The following ARL15 variants were observed in gnomAD, a reference collection of about 807,000 sequenced individuals.
The protein encoded by ARL15 is ADP-ribosylation factor-like protein 15.
In ARL15, 19 loss-of-function variants were observed where a neutral mutation model predicts 25.2. The ratio of observed to expected loss-of-function variants is 0.75; its 90% CI spans 0.53 to 1.10. The LOEUF (loss-of-function observed/expected upper bound fraction) is 1.10, where lower values mean the gene tolerates loss of function less well. Ranked by LOEUF, ARL15 falls within the 50% of genes least tolerant of loss-of-function variation. The pLI is 0.00. For synonymous variants in ARL15, 94 were observed against 86.8 expected (o/e 1.08, Z -0.46); for missense variants, 220 against 246.0 (o/e 0.89, Z 0.71).
intron 1 of ARL15, among the ~76,000 whole-genome samples, chr5:54,304,773 TTTAAAG>T (rs1197815464): frequency 6.6e-6 from 1 of 152,226 alleles, no homozygotes; most frequent in African/African-American, 2.4e-5. Context: ...ACATTATCAC[TTTAAAG>T]TTAGTCACAA....
chr5:54,040,591 T>A (rs1000409398), intron 4 of ARL15, among the ~76,000 whole-genome samples: 6 of 152,184 alleles, frequency 3.9e-5, no homozygotes, highest in Admixed American at 1.3e-4. Flanking sequence ...AGCTACTAAC[T>A]GCATTCATTA....
At chr5:54,234,104 T>A (rs1756740031) in intron 1 of ARL15, among the ~76,000 whole-genome samples, 1 of 152,150 alleles carries the variant, frequency 6.6e-6, no homozygotes, top group African/African-American at 2.4e-5. Context: ...CAAGCAATTG[T>A]CCTGCCTCAG....
In ARL15 at chr5:54,154,588, T is replaced by C; in HGVS notation, c.245A>G (p.Glu82Gly). 1 of 1,527,350 alleles carries C rather than the reference T, an allele frequency of 6.5e-7. No individual in the cohort carries two copies. The highest frequency in any genetic ancestry group is 1.4e-5 in the African/African-American group (1 of 71,502). The allele number at this position is 1,527,350 out of a possible 1,614,324, so 94.6% of individuals were successfully genotyped here. Reference sequence around the variant, plus strand: ...GATTTGAAATGTTATACCTCCAAGTTCTTTTACATTCAAGATGGCATTCTG... The same window carrying C: ...GATTTGAAATGTTATACCTCCAAGTCCTTTTACATTCAAGATGGCATTCTG... ...PFQNAILNVK[E>G]LGGADNIRKY... Residue 82 changes from glutamate to glycine, a missense_variant, in exon 3 of 5, where the codon GAA becomes GGA. Physicochemically the swap from Glu to Gly is moderately conservative, Grantham distance 98 (BLOSUM62 -2). Coordinates refer to ENST00000504924, the MANE Select transcript of ARL15 (RefSeq NM_019087.3).
chr5:54,203,551 A>G (rs565345474), intron 1 of ARL15, among the ~76,000 whole-genome samples: 2 of 152,208 alleles, frequency 1.3e-5, no homozygotes, highest in Non-Finnish European at 2.9e-5. Context: ...AAAGTCTTTG[A>G]AAGTATGAGA....
At chr5:54,029,954 G>C (rs140638982) in intron 4 of ARL15, among the ~76,000 whole-genome samples, 3 of 151,948 alleles carry the variant, frequency 2.0e-5, no homozygotes, top group Admixed American at 6.6e-5. Context: ...CAGAGATAGC[G>C]CCACTGCACT....
chr5:53,911,432 T>G (rs1371446554), intron 4 of ARL15, among the ~76,000 whole-genome samples: 1 of 152,154 alleles, frequency 6.6e-6, no homozygotes, highest in Non-Finnish European at 1.5e-5. Flanking sequence ...TGTGATATTT[T>G]CAGGTGATAG....
intron 1 of ARL15, among the ~76,000 whole-genome samples, chr5:54,287,348 G>C (rs75248253): frequency 2.0e-5 from 3 of 151,910 alleles, no homozygotes; most frequent in Non-Finnish European, 4.4e-5. Context: ...TCAGGGGTAT[G>C]CACAATGGGC....
chr5:54,114,465 T>C (rs184099330), intron 3 of ARL15, among the ~76,000 whole-genome samples: 2 of 143,934 alleles, frequency 1.4e-5, no homozygotes, highest in Admixed American at 1.4e-4. Context: ...GCATGTCATG[T>C]AGTATTCCTC....
chr5:54,131,867 C>T (rs1049609151), intron 3 of ARL15, among the ~76,000 whole-genome samples: 1 of 150,844 alleles, frequency 6.6e-6, no homozygotes, highest in South Asian at 2.1e-4. Context: ...CGCGCCACTG[C>T]ACTCCAGCCT....
intron 4 of ARL15, among the ~76,000 whole-genome samples, chr5:54,046,036 T>C (rs1245471879): frequency 3.9e-5 from 6 of 152,162 alleles, no homozygotes; most frequent in Non-Finnish European, 8.8e-5. Flanking sequence ...AATGTTCAGA[T>C]AGTCCGTGTA....
At chr5:53,909,434 C>T (rs995496475) in intron 4 of ARL15, among the ~76,000 whole-genome samples, 8 of 152,160 alleles carry the variant, frequency 5.3e-5, no homozygotes, top group Admixed American at 6.5e-5. Context: ...AGGCTGGGCA[C>T]GGTGGCTCAC....
intron 1 of ARL15, among the ~76,000 whole-genome samples, chr5:54,230,392 TGAAAA>T (rs373965781): frequency 7.1e-5 from 9 of 127,480 alleles, no homozygotes; most frequent in South Asian, 2.6e-4. Flanking sequence ...AAAGAAAGAA[TGAAAA>T]GAAAAGAAAA....
At chr5:53,992,282 G>C (rs1342632254) in intron 4 of ARL15, among the ~76,000 whole-genome samples, 3 of 151,158 alleles carry the variant, frequency 2.0e-5, no homozygotes, top group Admixed American at 6.6e-5. Flanking sequence ...GGGTGCCCTG[G>C]TATACAGTTT....
Position 53,885,541 on chromosome 5 carries a change from A to C in ARL15, c.*1020T>G, listed in dbSNP as rs2111871935. ...ATACTGATAAACCTTTAACTACTAGAGGAAGGCATTAACAGATTCCAATAA... is the reference window on the plus strand; with the variant it reads ...ATACTGATAAACCTTTAACTACTAGCGGAAGGCATTAACAGATTCCAATAA... On this transcript the variant is annotated 3_prime_UTR_variant, in exon 5 of 5. Transcript: ENST00000504924. 1 of 152,764 alleles carries C rather than the reference A, an allele frequency of 6.5e-6. No homozygotes were observed. Among genetic ancestry groups the C allele is most frequent in the South Asian group, 2.1e-4 (1 of 4,830 alleles). The allele number at this position is 152,764 out of a possible 1,614,324, so 9.5% of individuals were successfully genotyped here.
intron 1 of ARL15, among the ~76,000 whole-genome samples, chr5:54,217,207 T>C (rs1216348843): frequency 6.6e-6 from 1 of 151,794 alleles, no homozygotes; most frequent in Non-Finnish European, 1.5e-5. Flanking sequence ...TTTCTTTTTT[T>C]TTTTTTTTAA....
At chr5:54,015,550 C>G (rs1278636981) in intron 4 of ARL15, among the ~76,000 whole-genome samples, 1 of 152,140 alleles carries the variant, frequency 6.6e-6, no homozygotes, top group Non-Finnish European at 1.5e-5. Context: ...ATTAGACTCA[C>G]AGAACTTTAG....
At chr5:53,887,744 G>A (rs1236572315) in intron 4 of ARL15, among the ~76,000 whole-genome samples, 6 of 152,032 alleles carry the variant, frequency 3.9e-5, no homozygotes, top group African/African-American at 4.8e-5. Flanking sequence ...AACAAATTTC[G>A]TTAAATCTCA....
At chr5:54,132,751 C>T (rs1753477463) in intron 3 of ARL15, among the ~76,000 whole-genome samples, 1 of 152,104 alleles carries the variant, frequency 6.6e-6, no homozygotes, top group Non-Finnish European at 1.5e-5. Flanking sequence ...CCTGATGTTG[C>T]CATGGCATTT....
intron 4 of ARL15, among the ~76,000 whole-genome samples, chr5:53,909,535 T>C (rs6899160): frequency 0.94 from 142,610 of 152,178 alleles, 67,375 homozygotes; most frequent in Non-Finnish European, 1. Context: ...GGAGAAACCC[T>C]GTCTCTACTA....
Sources: allele counts gnomAD v4.1 joint callset (sites outside exome capture counted in the v4.1 genomes callset), GRCh38; gene constraint gnomAD v4.1.1; transcripts MANE v1.5; gene names NCBI Gene and HGNC (gene_info 2026-07-23, HGNC 2026-07-21).